Variants in ZBTB46 observed in about 807,000 individuals in gnomAD.
ZBTB46 encodes the protein zinc finger and BTB domain-containing protein 46.
ZBTB46 carries 8 observed loss-of-function variants against 44.1 expected under a neutral mutation model. That is an observed-to-expected ratio of 0.18 (90% CI 0.11 to 0.33). ZBTB46 has a LOEUF of 0.33. Among genes scored for constraint, ZBTB46 ranks in the 10% least tolerant of loss-of-function variants. The pLI is 1.00. For synonymous variants in ZBTB46, 409 were observed against 382.3 expected (o/e 1.07, Z -0.81); for missense variants, 651 against 847.7 (o/e 0.77, Z 2.88).
chr20:63,775,231 G>A (rs1045118603), intron 3 of ZBTB46: 4 of 162,712 alleles, frequency 2.5e-5, no homozygotes, highest in African/African-American at 7.2e-5. Context: ...GCAAGGCGAG[G>A]CCCCCAAGTG....
At chr20:63,802,464 A>G (rs1167887489) in intron 1 of ZBTB46, among the ~76,000 whole-genome samples, 2 of 103,112 alleles carry the variant, frequency 1.9e-5, no homozygotes, top group Non-Finnish European at 1.9e-5. Flanking sequence ...ATCCAGTATG[A>G]TAAGTACCCT....
chr20:63,776,366 G>T (rs556015387), intron 2 of ZBTB46, among the ~76,000 whole-genome samples: 1 of 152,226 alleles, frequency 6.6e-6, no homozygotes. Context: ...GATCAATGAC[G>T]TTAGAGCTAA....
At chr20:63,794,037 T>A (rs2092581915) in intron 1 of ZBTB46, among the ~76,000 whole-genome samples, 1 of 151,592 alleles carries the variant, frequency 6.6e-6, no homozygotes, top group Non-Finnish European at 1.5e-5. Context: ...ATACAAAAAA[T>A]TTGCTGGGCG....
At position 63,747,167 on chromosome 20, in the gene ZBTB46, C is replaced by G. The variant is rs1429149196; in HGVS notation, c.1533G>C (p.Gly511=). The change falls in exon 5 of 5, where the codon GGG becomes GGC. Residue 511 remains glycine, a synonymous_variant. Transcript: ENST00000245663. ...CTDCAGRGMA[G]PLDHGGGGGE... Reference sequence around the variant, plus strand: ...CGCCTCCGCCGCCATGGTCCAGGGGCCCGGCCATGCCGCGGCCAGCACAGT... The same window carrying G: ...CGCCTCCGCCGCCATGGTCCAGGGGGCCGGCCATGCCGCGGCCAGCACAGT... The G allele has an allele frequency of 6.2e-7, 1 of 1,609,616 alleles. No individual in the cohort carries two copies. Among genetic ancestry groups the G allele is most frequent in the South Asian group, 1.1e-5 (1 of 90,838 alleles).
At chr20:63,757,763 G>A (rs1363180446) in intron 3 of ZBTB46, among the ~76,000 whole-genome samples, 3 of 152,132 alleles carry the variant, frequency 2.0e-5, no homozygotes, top group South Asian at 2.1e-4. Flanking sequence ...GATAGCAGTC[G>A]GAATCACCTT....
At chr20:63,793,492 G>T (rs575598726) in intron 1 of ZBTB46, among the ~76,000 whole-genome samples, 1 of 152,170 alleles carries the variant, frequency 6.6e-6, no homozygotes, top group Non-Finnish European at 1.5e-5. Flanking sequence ...TCCGGGCCAC[G>T]TGATGGGAAC....
At chr20:63,761,713 C>G (rs1440595076) in intron 3 of ZBTB46, among the ~76,000 whole-genome samples, 1 of 149,212 alleles carries the variant, frequency 6.7e-6, no homozygotes, top group Non-Finnish European at 1.5e-5. Context: ...ACCCCGGAGG[C>G]AGAGGTTGCA....
chr20:63,792,098 G>A (rs900373246), intron 1 of ZBTB46, among the ~76,000 whole-genome samples: 2 of 152,256 alleles, frequency 1.3e-5, no homozygotes, highest in South Asian at 2.1e-4. Flanking sequence ...GACACCAGTC[G>A]TCCGGGAGTA....
chr20:63,788,855 G>T (rs2145920912), intron 2 of ZBTB46, among the ~76,000 whole-genome samples: 1 of 142,584 alleles, frequency 7.0e-6, no homozygotes, highest in Non-Finnish European at 1.5e-5. Context: ...TTTTTTTTGA[G>T]ATGGAGTTTC....
At chr20:63,800,471 G>A (rs71325468) in intron 1 of ZBTB46, among the ~76,000 whole-genome samples, 2 of 152,236 alleles carry the variant, frequency 1.3e-5, no homozygotes, top group East Asian at 1.9e-4. Context: ...TGCACTTGAG[G>A]AGCCCTTCAG....
intron 4 of ZBTB46, among the ~76,000 whole-genome samples, chr20:63,749,625 C>A (rs1016618621): frequency 6.6e-6 from 1 of 152,228 alleles, no homozygotes; most frequent in East Asian, 1.9e-4. Flanking sequence ...CGTCAGCCAC[C>A]GCGCCCAGCC....
chr20:63,801,627 C>T (rs950867880), intron 1 of ZBTB46, among the ~76,000 whole-genome samples: 1 of 152,294 alleles, frequency 6.6e-6, no homozygotes, highest in African/African-American at 2.4e-5. Context: ...TAAGACTCAC[C>T]GTGAAGGTCT....
At chr20:63,796,110 C>G (rs1263626056) in intron 1 of ZBTB46, among the ~76,000 whole-genome samples, 1 of 152,248 alleles carries the variant, frequency 6.6e-6, no homozygotes, top group Non-Finnish European at 1.5e-5. Context: ...ACTCCATTTG[C>G]TGCACTGTGT....
intron 1 of ZBTB46, among the ~76,000 whole-genome samples, chr20:63,794,964 C>T (rs2092589697): frequency 6.6e-6 from 1 of 151,766 alleles, no homozygotes; most frequent in Non-Finnish European, 1.5e-5. Flanking sequence ...GGTGCCCCTT[C>T]AGAGAGGAGC....
intron 3 of ZBTB46, among the ~76,000 whole-genome samples, chr20:63,757,396 T>C (rs1383826264): frequency 1.3e-5 from 2 of 152,156 alleles, no homozygotes; most frequent in Non-Finnish European, 2.9e-5. Flanking sequence ...GTGCTGGGAT[T>C]ACAGGTGTGA....
At chr20:63,756,518 ACT>A (rs1282170374) in intron 3 of ZBTB46, among the ~76,000 whole-genome samples, 2 of 151,726 alleles carry the variant, frequency 1.3e-5, no homozygotes, top group South Asian at 4.1e-4. Flanking sequence ...CTGTCACTTA[ACT>A]CTGTGTTAGA....
intron 3 of ZBTB46, among the ~76,000 whole-genome samples, chr20:63,769,626 C>T (rs2092349957): frequency 6.6e-6 from 1 of 152,140 alleles, no homozygotes; most frequent in Admixed American, 6.6e-5. Context: ...GTGATTCCAA[C>T]AGAGGGTTTT....
chr20:63,805,950 T>C (rs1205667252), intron 1 of ZBTB46, among the ~76,000 whole-genome samples: 1 of 151,738 alleles, frequency 6.6e-6, no homozygotes, highest in East Asian at 2.0e-4. Context: ...TTTTTTTGTA[T>C]TTTTAGTACA....
chr20:63,775,454 A>C, intron 3 of ZBTB46: 1 of 488,074 alleles, frequency 2.0e-6, no homozygotes, highest in Non-Finnish European at 3.5e-6. Context: ...CGCCGCGCTC[A>C]CAACCGCGTC....
Sources: allele counts gnomAD v4.1 joint callset (sites outside exome capture counted in the v4.1 genomes callset), GRCh38; gene constraint gnomAD v4.1.1; transcripts MANE v1.5; gene names NCBI Gene and HGNC (gene_info 2026-07-23, HGNC 2026-07-21).